Variants in BCAR3 observed in about 807,000 individuals in gnomAD.
BCAR3 encodes the protein breast cancer anti-estrogen resistance protein 3.
Under a neutral mutation model 80.1 loss-of-function variants are expected in BCAR3, and 37 were observed. The ratio of observed to expected loss-of-function variants is 0.46; its 90% CI spans 0.36 to 0.61. The LOEUF (loss-of-function observed/expected upper bound fraction) is 0.61. BCAR3 is among the 20% of genes least tolerant of loss of function. The pLI, the probability that BCAR3 is intolerant of heterozygous loss-of-function variation, is 0.00. For synonymous variants in BCAR3, 389 were observed against 418.9 expected (o/e 0.93, Z 0.87); for missense variants, 978 against 1,068.2 (o/e 0.92, Z 1.18).
intron 2 of BCAR3, among the ~76,000 whole-genome samples, chr1:93,755,421 T>C (rs145356686): frequency 0.01 from 1,595 of 152,318 alleles, 22 homozygotes; most frequent in African/African-American, 0.037. Context: ...TCATGGTAAG[T>C]GCCCTATACA....
At chr1:93,754,016 G>A (rs1323647494) in intron 2 of BCAR3, 2 of 152,134 alleles carry the variant, frequency 1.3e-5, no homozygotes, top group Non-Finnish European at 2.9e-5. Flanking sequence ...CTCATCATTC[G>A]TCTTTCAAAG....
intron 2 of BCAR3, among the ~76,000 whole-genome samples, chr1:93,814,004 T>C (rs1653934783): frequency 6.6e-6 from 1 of 152,202 alleles, no homozygotes; most frequent in Non-Finnish European, 1.5e-5. Flanking sequence ...TTATCTGGTA[T>C]TTCAGGATTA....
Position 93,637,193 on chromosome 1 carries a change from C to T in BCAR3, c.357+5111G>A, listed in dbSNP as rs578082115. ...ATGTAAAATTTTTTTTTTTTTGAGA[C>T]GAGTCTTGCTCTGTTGCCCAGGCTG... On this transcript the variant is annotated intron_variant, in intron 3 of 11. Coordinates refer to ENST00000260502, the MANE Select transcript of BCAR3 (RefSeq NM_003567.4). 4.0e-5 allele frequency among the ~76,000 whole-genome samples: 6 copies of T among 150,448 alleles called. No homozygotes were observed. The East Asian group carries it at 7.9e-4, about 20-fold the overall frequency.
At chr1:93,759,869 C>T (rs1386372392) in intron 2 of BCAR3, among the ~76,000 whole-genome samples, 1 of 152,118 alleles carries the variant, frequency 6.6e-6, no homozygotes. Context: ...TCCACGTGGA[C>T]CATCAGCCAC....
intron 3 of BCAR3, among the ~76,000 whole-genome samples, chr1:93,628,125 C>A (rs1675505432): frequency 6.6e-6 from 1 of 152,272 alleles, no homozygotes; most frequent in African/African-American, 2.4e-5. Flanking sequence ...CTAACGCACA[C>A]CAAGCCACCT....
At chr1:93,778,281 G>C (rs969916794) in intron 2 of BCAR3, among the ~76,000 whole-genome samples, 1 of 152,148 alleles carries the variant, frequency 6.6e-6, no homozygotes, top group African/African-American at 2.4e-5. Context: ...ATAGGAAACA[G>C]ATTTAAGATA....
chr1:93,667,490 A>G (rs1462942479), intron 2 of BCAR3, among the ~76,000 whole-genome samples: 1 of 152,216 alleles, frequency 6.6e-6, no homozygotes, highest in Non-Finnish European at 1.5e-5. Context: ...AAGGATATGA[A>G]CTGAAACCTC....
At chr1:93,707,141 C>T (rs1350962198) in intron 2 of BCAR3, among the ~76,000 whole-genome samples, 2 of 151,976 alleles carry the variant, frequency 1.3e-5, no homozygotes, top group Non-Finnish European at 1.5e-5. Context: ...TGCCATTACA[C>T]TACAGCCTAG....
chr1:93,672,473 C>T (rs1052284754), intron 2 of BCAR3, among the ~76,000 whole-genome samples: 12 of 152,188 alleles, frequency 7.9e-5, no homozygotes, highest in African/African-American at 1.7e-4. Flanking sequence ...AAATGAAAAG[C>T]GGTCCACCAT....
intron 3 of BCAR3, among the ~76,000 whole-genome samples, chr1:93,624,836 A>C (rs1387793203): frequency 1.3e-5 from 2 of 152,238 alleles, no homozygotes; most frequent in East Asian, 1.9e-4. Context: ...GACAGGCCAC[A>C]CAGAAGTCAT....
intron 2 of BCAR3, among the ~76,000 whole-genome samples, chr1:93,707,548 A>G (rs1649867160): frequency 2.0e-5 from 3 of 151,968 alleles, no homozygotes; most frequent in African/African-American, 7.3e-5. Context: ...CATCTCTAAA[A>G]ATACAAAAAT....
rs190554370 is a variant in BCAR3 at position 93,825,039 on chromosome 1, C to T, written c.-63+20528G>A. On this transcript the variant is annotated intron_variant, in intron 2 of 13. Coordinates refer to the BCAR3 transcript ENST00000370244. ...CTCTCTGGTAACCTATCAAAACTCA[C>T]GAGTGCGTACAGAGACCCCCTCAGT... 4.5e-5 allele frequency among the ~76,000 whole-genome samples: 6 copies of T among 134,104 alleles called. 3 individuals carry two copies. The highest frequency in any genetic ancestry group is 1.6e-4 in the Admixed American group (2 of 12,890). 88.0% of individuals were successfully genotyped at this position (134,104 alleles called of 152,430 possible).
intron 10 of BCAR3, 36 bp downstream of exon 10, chr1:93,567,704 G>T: frequency 6.4e-7 from 1 of 1,572,404 alleles, no homozygotes; most frequent in Non-Finnish European, 8.8e-7. Flanking sequence ...ACTCCCCAGC[G>T]GGGTAGCCCC....
chr1:93,672,632 C>A (rs1459275811), intron 2 of BCAR3, among the ~76,000 whole-genome samples: 1 of 152,188 alleles, frequency 6.6e-6, no homozygotes, highest in African/African-American at 2.4e-5. Flanking sequence ...CAATCCTGTG[C>A]ACAGGTATGC....
upstream of BCAR3, chr1:93,847,500 G>C (rs1473733967): frequency 6.6e-6 from 1 of 152,508 alleles, no homozygotes; most frequent in Non-Finnish European, 1.5e-5. Context: ...CTGACGACGG[G>C]AGGCGCGGTC....
At chr1:93,830,552 C>A (rs1654523524) in intron 2 of BCAR3, among the ~76,000 whole-genome samples, 1 of 152,146 alleles carries the variant, frequency 6.6e-6, no homozygotes, top group Non-Finnish European at 1.5e-5. Flanking sequence ...CTGATCCCCG[C>A]CCCTGCCTCC....
chr1:93,611,719 A>G (rs1674955976), intron 3 of BCAR3, among the ~76,000 whole-genome samples: 1 of 152,200 alleles, frequency 6.6e-6, no homozygotes, highest in Non-Finnish European at 1.5e-5. Context: ...GCTGCAAATA[A>G]GATCTTACTC....
chr1:93,618,389 A>T (rs1675204060), intron 3 of BCAR3, among the ~76,000 whole-genome samples: 1 of 152,250 alleles, frequency 6.6e-6, no homozygotes, highest in Non-Finnish European at 1.5e-5. Context: ...TCTATCCGGA[A>T]GCAATATTGA....
chr1:93,615,004 CT>C (rs912095250), intron 3 of BCAR3, among the ~76,000 whole-genome samples: 3,229 of 121,976 alleles, frequency 0.026, 48 homozygotes, highest in East Asian at 0.091. Context: ...TCAACGAGTT[CT>C]TTTTTTTTTT....
Sources: gnomAD v4.1 joint callset for allele counts (sites outside exome capture counted in the v4.1 genomes callset) on GRCh38, gnomAD v4.1.1 for gene constraint, MANE v1.5 for transcripts, NCBI Gene and HGNC (gene_info 2026-07-23, HGNC 2026-07-21) for gene names.